CPVL: variants seen among roughly 807,000 people sequenced by gnomAD.
CPVL encodes probable serine carboxypeptidase CPVL.
CPVL carries 51 observed loss-of-function variants against 63.7 expected under a neutral mutation model. That is an observed-to-expected ratio of 0.80 (90% CI 0.64 to 1.01). The LOEUF (loss-of-function observed/expected upper bound fraction) is 1.01, where lower values mean the gene tolerates loss of function less well. Ranked by LOEUF, CPVL falls within the 50% of genes least tolerant of loss-of-function variation. The pLI is 0.00. For synonymous variants in CPVL, 195 were observed against 206.0 expected (o/e 0.95, Z 0.46); for missense variants, 530 against 573.1 (o/e 0.92, Z 0.77).
rs58422023 is a variant in CPVL at position 29,070,424 on chromosome 7, T to C, written c.864+1349A>G. Reference sequence around the variant, plus strand: ...TTTAAAAACATATCAAATGTTTCAATTGCAAATTGGTCTCATGCCACATAA... The same window carrying C: ...TTTAAAAACATATCAAATGTTTCAACTGCAAATTGGTCTCATGCCACATAA... On this transcript the variant is annotated intron_variant, in intron 9 of 12. Transcript: ENST00000265394. Among the ~76,000 whole-genome samples, 671 of 152,352 alleles carry C rather than the reference T, an allele frequency of 4.4e-3. 3 individuals carry two copies. The highest frequency in any genetic ancestry group is 0.016 in the African/African-American group (645 of 41,586).
chr7:29,146,699 G>T (rs1407808430), upstream of CPVL: 26 of 1,550,534 alleles, frequency 1.7e-5, no homozygotes, highest in Admixed American at 5.1e-4. Context: ...CAGCCCCAGG[G>T]TGGAATCTTA....
chr7:29,030,820 G>A, intron 11 of CPVL, 61 bp from the exon 12 acceptor site: 4 of 1,449,264 alleles, frequency 2.8e-6, no homozygotes, highest in Non-Finnish European at 3.8e-6. Context: ...CATGAATCGA[G>A]CTAGGTATAA....
chr7:29,075,990 T>C (rs1350632634), intron 7 of CPVL, among the ~76,000 whole-genome samples: 1 of 123,144 alleles, frequency 8.1e-6, no homozygotes, highest in Non-Finnish European at 1.7e-5. Context: ...GACTCATTTA[T>C]TCTTCTTGAA....
chr7:29,065,945 T>C (rs1783093779), intron 10 of CPVL, 78 bp downstream of exon 10: 2 of 789,152 alleles, frequency 2.5e-6, no homozygotes, highest in African/African-American at 1.7e-5. Flanking sequence ...TCATCTATAA[T>C]ATTTCCCAAA....
At chr7:29,046,085 C>CTT (rs1233373004) in intron 11 of CPVL, among the ~76,000 whole-genome samples, 102 of 135,314 alleles carry the variant, frequency 7.5e-4, no homozygotes, top group African/African-American at 1.4e-3. Context: ...CTAGATGAAC[C>CTT]TTTTTTTTTT....
intron 5 of CPVL, among the ~76,000 whole-genome samples, chr7:29,164,045 A>T (rs1177443303): frequency 1.3e-5 from 2 of 152,246 alleles, no homozygotes; most frequent in African/African-American, 4.8e-5. Context: ...AGGTTGACAC[A>T]TATAGTAGAG....
intron 12 of CPVL, among the ~76,000 whole-genome samples, chr7:29,000,168 C>G (rs1193746964): frequency 6.6e-6 from 1 of 152,092 alleles, no homozygotes; most frequent in Non-Finnish European, 1.5e-5. Context: ...AGCTTCATTC[C>G]ACTTTATTTT....
chr7:29,075,956 G>GTTTTTTT (rs1554335832), intron 7 of CPVL, among the ~76,000 whole-genome samples: 29,015 of 109,930 alleles, frequency 0.26, 5,722 homozygotes, highest in African/African-American at 0.32. Context: ...TGTTGAGATA[G>GTTTTTTT]TTTTTTTTTT....
intron 1 of CPVL, chr7:29,122,500 A>C (rs1789485238): frequency 6.6e-6 from 1 of 152,218 alleles, no homozygotes; most frequent in Non-Finnish European, 1.5e-5. Flanking sequence ...AAAACGACTT[A>C]GCTAGTGTCC....
At chr7:29,069,770 A>ATGTGTGTG (rs70977102) in intron 9 of CPVL, among the ~76,000 whole-genome samples, 149 of 132,330 alleles carry the variant, frequency 1.1e-3, no homozygotes, top group East Asian at 2.9e-3. Context: ...TCACCAGTAA[A>ATGTGTGTG]TGTGTGTGTG....
intron 11 of CPVL, among the ~76,000 whole-genome samples, chr7:29,044,779 G>C (rs1789456493): frequency 6.6e-6 from 1 of 152,096 alleles, no homozygotes; most frequent in Admixed American, 6.5e-5. Flanking sequence ...ATACCAGTTG[G>C]GTTTCATAGC....
At chr7:29,040,900 C>T (rs1789007593) in intron 11 of CPVL, among the ~76,000 whole-genome samples, 1 of 152,170 alleles carries the variant, frequency 6.6e-6, no homozygotes, top group Admixed American at 6.5e-5. Flanking sequence ...AGCCATCATT[C>T]TGATGCAATG....
At chr7:29,155,968 G>C (rs569702879) in intron 5 of CPVL, among the ~76,000 whole-genome samples, 1 of 152,328 alleles carries the variant, frequency 6.6e-6, no homozygotes, top group Non-Finnish European at 1.5e-5. Flanking sequence ...AGCCTAGCCA[G>C]CTGTGCCCCT....
chr7:29,092,158 G>C (rs1458062441), intron 6 of CPVL, among the ~76,000 whole-genome samples: 4 of 146,176 alleles, frequency 2.7e-5, no homozygotes, highest in African/African-American at 1.0e-4. Context: ...TGTTTGGCCA[G>C]ACTTACAACT....
At chr7:29,148,130 G>A (rs1024517365), upstream of CPVL, among the ~76,000 whole-genome samples, 3 of 152,208 alleles carry the variant, frequency 2.0e-5, no homozygotes, top group African/African-American at 7.2e-5. Context: ...AGATAACACT[G>A]CTGCTGGCGT....
chr7:29,129,603 G>T (rs1220249944), intron 1 of CPVL, among the ~76,000 whole-genome samples: 2 of 151,814 alleles, frequency 1.3e-5, no homozygotes, highest in East Asian at 3.9e-4. Context: ...CAAGTAGCTG[G>T]GGCTACAGGT....
intron 1 of CPVL, 115 bp downstream of exon 1, chr7:29,146,314 G>C (rs1178547095): frequency 2.4e-6 from 1 of 424,306 alleles, no homozygotes; most frequent in Admixed American, 4.1e-5. Flanking sequence ...TTTCTCCCCT[G>C]TTGGTGCTGA....
intron 5 of CPVL, among the ~76,000 whole-genome samples, chr7:29,175,119 A>G (rs1345925572): frequency 5.3e-5 from 8 of 151,470 alleles, no homozygotes; most frequent in African/African-American, 1.9e-4. Flanking sequence ...TGCTTCCCCC[A>G]TACTGTTCTC....
At chr7:29,117,807 G>A (rs2128636677) in intron 2 of CPVL, among the ~76,000 whole-genome samples, 1 of 152,270 alleles carries the variant, frequency 6.6e-6, no homozygotes, top group Non-Finnish European at 1.5e-5. Context: ...CACATGGTTG[G>A]TACCCAAATT....
Sources: gnomAD v4.1 joint callset for allele counts (sites outside exome capture counted in the v4.1 genomes callset) on GRCh38, gnomAD v4.1.1 for gene constraint, MANE v1.5 for transcripts, NCBI Gene and HGNC (gene_info 2026-07-23, HGNC 2026-07-21) for gene names.